The following TENM3 variants were observed in gnomAD, a reference collection of about 807,000 sequenced individuals.
The protein encoded by TENM3 is teneurin-3.
TENM3 carries 63 observed loss-of-function variants against 255.1 expected under a neutral mutation model. That is an observed-to-expected ratio of 0.25 (90% CI 0.20 to 0.30). TENM3 has a LOEUF of 0.30. Ranked by LOEUF, TENM3 falls within the 10% of genes least tolerant of loss-of-function variation. The pLI is 1.00. For synonymous variants in TENM3, 1,306 were observed against 1,322.3 expected, an observed-to-expected ratio of 0.99 and a Z score of 0.27; for missense variants, 2,929 against 3,461.1, an observed-to-expected ratio of 0.85 and a Z score of 3.86.
chr4:181,449,665 T>G, the TENM3 span, among the ~76,000 whole-genome samples: 1 of 152,076 alleles, frequency 6.6e-6, no homozygotes, highest in Non-Finnish European at 1.5e-5. Context: ...TGGGTGCCTG[T>G]AATCCCAGCT....
chr4:182,228,567 C>T (rs1756352806), intron 1 of TENM3, among the ~76,000 whole-genome samples: 1 of 151,888 alleles, frequency 6.6e-6, no homozygotes, highest in Non-Finnish European at 1.5e-5. Context: ...AGGAGCATGA[C>T]ACATGAAGTC....
chr4:181,638,918 T>C, the TENM3 span, among the ~76,000 whole-genome samples: 1 of 152,226 alleles, frequency 6.6e-6, no homozygotes, highest in Non-Finnish European at 1.5e-5. Flanking sequence ...CCAAAGGTCA[T>C]ATTGAAAGAC....
chr4:182,202,222 TA>T (rs2149834361), intron 1 of TENM3, among the ~76,000 whole-genome samples: 1 of 151,510 alleles, frequency 6.6e-6, no homozygotes, highest in Non-Finnish European at 1.5e-5. Flanking sequence ...AAGAGAGAAC[TA>T]AAATTCTAAA....
At chr4:182,611,750 T>A (rs1020110180) in intron 4 of TENM3, among the ~76,000 whole-genome samples, 1 of 152,238 alleles carries the variant, frequency 6.6e-6, no homozygotes, top group Non-Finnish European at 1.5e-5. Flanking sequence ...TTAGAGAAGC[T>A]ATACTGTCTT....
intron 1 of TENM3, among the ~76,000 whole-genome samples, chr4:182,263,969 C>T (rs930624859): frequency 6.6e-6 from 1 of 152,152 alleles, no homozygotes; most frequent in African/African-American, 2.4e-5. Context: ...GCGGCTTGGC[C>T]CCCAGGGCGA....
the TENM3 span, among the ~76,000 whole-genome samples, chr4:181,822,712 T>G: frequency 6.6e-6 from 1 of 152,204 alleles, no homozygotes; most frequent in Admixed American, 6.5e-5. Flanking sequence ...CAGAATGTCC[T>G]TTGAGGACAA....
At chr4:182,758,922 A>G (rs62336275) in intron 22 of TENM3, among the ~76,000 whole-genome samples, 3,530 of 152,316 alleles carry the variant, frequency 0.023, 63 homozygotes, top group Non-Finnish European at 0.037. Context: ...TTTCAGCTCA[A>G]ATTCCCATTT....
intron 3 of TENM3, among the ~76,000 whole-genome samples, chr4:182,452,204 C>T (rs1252633261): frequency 6.6e-6 from 1 of 152,124 alleles, no homozygotes; most frequent in Non-Finnish European, 1.5e-5. Flanking sequence ...ATAGGATGTT[C>T]TTCCTTAAGG....
intron 3 of TENM3, among the ~76,000 whole-genome samples, chr4:182,399,501 G>A (rs534770805): frequency 2.6e-5 from 4 of 152,240 alleles, no homozygotes; most frequent in Middle Eastern, 3.4e-3. Context: ...ATATTTCTGC[G>A]TGTGAAAATT....
chr4:181,570,035 CTTTTTTTT>C, the TENM3 span, among the ~76,000 whole-genome samples: 2 of 113,874 alleles, frequency 1.8e-5, no homozygotes, highest in Non-Finnish European at 1.8e-5. Flanking sequence ...ACAAATGTTT[CTTTTTTTT>C]TTTTTTTTTT....
chr4:181,799,431 A>G, the TENM3 span, among the ~76,000 whole-genome samples: 1,563 of 152,364 alleles, frequency 0.01, 10 homozygotes, highest in South Asian at 0.046. Flanking sequence ...CTATAATTTA[A>G]AGCTACTGAA....
intron 1 of TENM3, among the ~76,000 whole-genome samples, chr4:182,227,088 C>T (rs1756208023): frequency 6.6e-6 from 1 of 152,132 alleles, no homozygotes; most frequent in Non-Finnish European, 1.5e-5. Flanking sequence ...TTTGTAAATT[C>T]AGTTACTATA....
chr4:182,777,886 A>G (rs1180349251), intron 24 of TENM3, among the ~76,000 whole-genome samples: 2 of 150,896 alleles, frequency 1.3e-5, no homozygotes, highest in African/African-American at 4.9e-5. Flanking sequence ...TTTAAAAAGT[A>G]AAAAAGGCAG....
intron 3 of TENM3, among the ~76,000 whole-genome samples, chr4:182,509,825 T>C (rs978530842): frequency 6.6e-6 from 1 of 150,730 alleles, no homozygotes; most frequent in Non-Finnish European, 1.5e-5. Flanking sequence ...TAATCCCAGC[T>C]ACTTGGGAGG....
intron 19 of TENM3, 119 bp downstream of exon 19, chr4:182,743,538 C>T: frequency 8.7e-7 from 1 of 1,153,982 alleles, no homozygotes; most frequent in Non-Finnish European, 1.2e-6. Flanking sequence ...TTTAAAATTT[C>T]CCCCAGAAAG....
intron 3 of TENM3, among the ~76,000 whole-genome samples, chr4:182,456,192 G>A (rs1773861890): frequency 6.6e-6 from 1 of 152,192 alleles, no homozygotes; most frequent in Non-Finnish European, 1.5e-5. Flanking sequence ...GCTTACATAG[G>A]AGCTGATAAG....
At chr4:181,548,511 T>G in the TENM3 span, among the ~76,000 whole-genome samples, 2 of 152,194 alleles carry the variant, frequency 1.3e-5, no homozygotes, top group Non-Finnish European at 2.9e-5. Flanking sequence ...CTTTTTAACA[T>G]TTCTTTCGGT....
At chr4:182,458,520 G>A (rs1774046655) in intron 3 of TENM3, among the ~76,000 whole-genome samples, 1 of 152,184 alleles carries the variant, frequency 6.6e-6, no homozygotes, top group African/African-American at 2.4e-5. Context: ...ATTGCTACCT[G>A]TAAAAGGAGG....
the TENM3 span, among the ~76,000 whole-genome samples, chr4:182,119,367 C>T: frequency 1.2e-4 from 19 of 152,280 alleles, no homozygotes; most frequent in Admixed American, 4.6e-4. Flanking sequence ...GAAGGCCCCT[C>T]GACTGAGTCT....
Sources: gnomAD v4.1 joint callset for allele counts (sites outside exome capture counted in the v4.1 genomes callset) on GRCh38, gnomAD v4.1.1 for gene constraint, MANE v1.5 for transcripts, NCBI Gene and HGNC (gene_info 2026-07-23, HGNC 2026-07-21) for gene names.